Variants in SHISA9 observed in about 807,000 individuals in gnomAD.
SHISA9 encodes shisa family member 9.
SHISA9 carries 13 observed loss-of-function variants against 38.0 expected under a neutral mutation model. The ratio of observed to expected loss-of-function variants is 0.34; its 90% CI spans 0.22 to 0.54. The LOEUF (loss-of-function observed/expected upper bound fraction) is 0.54, where lower values mean the gene tolerates loss of function less well. SHISA9 is among the 20% of genes least tolerant of loss of function. The pLI is 0.91. For missense variants in SHISA9, 538 were observed against 575.8 expected, an observed-to-expected ratio of 0.93 and a Z score of 0.67; for synonymous variants, 275 against 242.0, an observed-to-expected ratio of 1.14 and a Z score of -1.27.
intron 2 of SHISA9, among the ~76,000 whole-genome samples, chr16:13,195,846 A>G (rs35818265): frequency 0.52 from 79,083 of 150,918 alleles, 21,918 homozygotes; most frequent in African/African-American, 0.72. Context: ...TCAACACTTT[A>G]GGAGGCTGAG....
intron 2 of SHISA9, among the ~76,000 whole-genome samples, chr16:12,971,538 C>A (rs918450293): frequency 1.3e-5 from 2 of 152,224 alleles, no homozygotes. Flanking sequence ...TGCTGCATAA[C>A]TGGGGAGGCA....
the SHISA9 span, among the ~76,000 whole-genome samples, chr16:13,462,694 G>T: frequency 6.6e-6 from 1 of 152,158 alleles, no homozygotes; most frequent in South Asian, 2.1e-4. Flanking sequence ...AGGCACAGTG[G>T]CTCACACGTG....
intron 1 of SHISA9, among the ~76,000 whole-genome samples, chr16:12,903,827 C>A (rs1269661360): frequency 2.0e-5 from 3 of 152,194 alleles, no homozygotes; most frequent in Non-Finnish European, 4.4e-5. Context: ...TGTGTGCACG[C>A]GCTCCGTGTG....
intron 2 of SHISA9, among the ~76,000 whole-genome samples, chr16:13,199,409 C>T (rs766599135): frequency 1.3e-5 from 2 of 152,222 alleles, no homozygotes; most frequent in Non-Finnish European, 2.9e-5. Flanking sequence ...CATCTCGAGG[C>T]AATACCTGGG....
chr16:13,445,903 C>T, the SHISA9 span, among the ~76,000 whole-genome samples: 2 of 152,208 alleles, frequency 1.3e-5, no homozygotes, highest in South Asian at 4.1e-4. Context: ...AGAAGTTTTG[C>T]CCTCATTTGA....
chr16:13,286,972 T>C, the SHISA9 span, among the ~76,000 whole-genome samples: 51 of 152,284 alleles, frequency 3.3e-4, no homozygotes, highest in African/African-American at 1.0e-3. Flanking sequence ...GGGTATATGA[T>C]TGTGTATTTT....
intron 1 of SHISA9, among the ~76,000 whole-genome samples, chr16:12,908,231 G>A (rs2071130020): frequency 6.6e-6 from 1 of 152,114 alleles, no homozygotes; most frequent in Admixed American, 6.5e-5. Context: ...ACTAACCCTT[G>A]CTCTGCTATA....
chr16:13,104,356 C>G (rs1423680381), intron 2 of SHISA9, among the ~76,000 whole-genome samples: 2 of 151,768 alleles, frequency 1.3e-5, no homozygotes, highest in Non-Finnish European at 2.9e-5. Flanking sequence ...AGGCATCCAC[C>G]CAAGAGAAGT....
rs533294167 is a variant in SHISA9, at chr16:13,093,088, T to A, written c.692-110306T>A. Among the ~76,000 whole-genome samples the A allele has an allele frequency of 2.0e-3, 310 of 152,268 alleles. 3 individuals are homozygous for A. Among genetic ancestry groups the A allele is most frequent in the African/African-American group, 7.1e-3 (294 of 41,564 alleles). ...TATGGAAAGGAATATAGCTTTGAAG[T>A]TTCCCGGGGGCATAGAGTCCTGGGT... On this transcript the variant is annotated intron_variant, in intron 2 of 4. Coordinates refer to ENST00000558583, the MANE Select transcript of SHISA9 (RefSeq NM_001145204.3).
the SHISA9 span, among the ~76,000 whole-genome samples, chr16:13,562,292 C>G: frequency 1.3e-5 from 2 of 152,076 alleles, no homozygotes; most frequent in African/African-American, 4.8e-5. Context: ...ATACAGTGGC[C>G]TGATTTAGTA....
chr16:12,970,469 G>GTATATATATA (rs781120776), intron 2 of SHISA9, among the ~76,000 whole-genome samples: 17 of 24,050 alleles, frequency 7.1e-4, no homozygotes, highest in African/African-American at 2.3e-3. Flanking sequence ...ATATGTGTGT[G>GTATATATATA]TATATATATA....
intron 2 of SHISA9, among the ~76,000 whole-genome samples, chr16:13,058,662 C>G (rs942128901): frequency 6.6e-6 from 1 of 152,058 alleles, no homozygotes; most frequent in Non-Finnish European, 1.5e-5. Flanking sequence ...TGTCATCTTT[C>G]GAGGAGAGGT....
intron 2 of SHISA9, among the ~76,000 whole-genome samples, chr16:13,086,134 G>T (rs1214861930): frequency 1.3e-5 from 2 of 152,024 alleles, no homozygotes; most frequent in Non-Finnish European, 2.9e-5. Context: ...GAGGCGGGCA[G>T]ATCATGAGGT....
chr16:13,461,770 C>T, the SHISA9 span, among the ~76,000 whole-genome samples: 8 of 151,240 alleles, frequency 5.3e-5, no homozygotes, highest in Non-Finnish European at 1.0e-4. Flanking sequence ...CCCGCCACCA[C>T]GCCCAGCTAA....
the SHISA9 span, among the ~76,000 whole-genome samples, chr16:13,277,936 A>G: frequency 2.6e-5 from 4 of 151,864 alleles, no homozygotes; most frequent in Non-Finnish European, 5.9e-5. Flanking sequence ...GTTCTGGCTA[A>G]GATGTCTACT....
chr16:13,176,843 A>G (rs896748767), intron 2 of SHISA9, among the ~76,000 whole-genome samples: 1 of 152,114 alleles, frequency 6.6e-6, no homozygotes, highest in Admixed American at 6.5e-5. Flanking sequence ...GATCACCCAC[A>G]CCTCTTCTCC....
chr16:12,924,234 A>G lies in SHISA9; in HGVS notation c.691+7419A>G, dbSNP rs58058419. Among the ~76,000 whole-genome samples the G allele has an allele frequency of 3.9e-5, 6 of 152,332 alleles. No homozygotes were observed. The East Asian group carries it at 1.2e-3, about 29-fold the overall frequency. On this transcript the variant is annotated intron_variant, in intron 2 of 4. Coordinates refer to ENST00000558583, the MANE Select transcript of SHISA9 (RefSeq NM_001145204.3). ...GTGCATGAGGAGGGAAAGGCGAGGT[A>G]GACGGCTGTTTGAATCTTCCTTGGG...
the SHISA9 span, among the ~76,000 whole-genome samples, chr16:13,252,744 G>C: frequency 6.6e-6 from 1 of 152,132 alleles, no homozygotes; most frequent in Non-Finnish European, 1.5e-5. Flanking sequence ...CACTGGGATG[G>C]AAGCTCCATG....
At chr16:13,071,570 TCCC>T in intron 2 of SHISA9, among the ~76,000 whole-genome samples, 3 of 136,792 alleles carry the variant, frequency 2.2e-5, no homozygotes, top group African/African-American at 1.0e-4. Context: ...CCTTCCTTCC[TCCC>T]TTCCTCCCTT....
Sources: gnomAD v4.1 joint callset for allele counts (sites outside exome capture counted in the v4.1 genomes callset) on GRCh38, gnomAD v4.1.1 for gene constraint, MANE v1.5 for transcripts, NCBI Gene and HGNC (gene_info 2026-07-23, HGNC 2026-07-21) for gene names.